Variants in HTR1A observed in about 807,000 individuals in gnomAD.
The protein encoded by HTR1A is 5-HT1a receptor.
Under a neutral mutation model 24.6 loss-of-function variants are expected in HTR1A, and 17 were observed. That is an observed-to-expected ratio of 0.69 (90% CI 0.47 to 1.04). HTR1A has a LOEUF of 1.04. HTR1A is among the 50% of genes least tolerant of loss of function. The probability of loss-of-function intolerance (pLI) is 0.00; values close to 1 mark genes in which losing one functional copy is unlikely to be tolerated. For missense variants in HTR1A, 515 were observed against 565.1 expected (o/e 0.91, Z 0.90); for synonymous variants, 262 against 244.6 (o/e 1.07, Z -0.67).
chr5:63,961,217 G>C lies in HTR1A; in HGVS notation c.503C>G (p.Ser168Cys). Reference protein sequence around the residue: ...SLTWLIGFLISIPPMLGWRTP... With the variant: ...SLTWLIGFLICIPPMLGWRTP... ...GCGCCAGCCCAGCATGGGCGGGATA[G>C]AGATGAGGAAGCCAATAAGCCAAGT... The change falls in exon 1 of 1, where the codon TCT (serine) becomes TGT (cysteine). Residue 168 changes from serine (S) to cysteine (C), a missense_variant. By Grantham distance (112) the Ser-to-Cys change is moderately radical. Around this residue, in one of 3 missense-constraint regions of HTR1A, gnomAD observed 381 missense variants for 384.5 expected, o/e 0.99. Transcript: ENST00000323865. The C allele has an allele frequency of 6.2e-7, 1 of 1,614,138 alleles. No homozygotes were observed. The highest frequency in any genetic ancestry group is 8.5e-7 in the Non-Finnish European group (1 of 1,180,034).
In HTR1A at chr5:63,959,332, A is replaced by G. The variant is rs1746374541; in HGVS notation, c.*1119T>C. Among the ~76,000 whole-genome samples the G allele has an allele frequency of 6.6e-6, 1 of 152,226 alleles. No homozygotes were observed. The highest frequency in any genetic ancestry group is 6.5e-5 in the Admixed American group (1 of 15,292). On this transcript the variant is annotated 3_prime_UTR_variant, in exon 1 of 1. Coordinates refer to ENST00000323865, the MANE Select transcript of HTR1A (RefSeq NM_000524.4). ...GGCATCTTGCGCCACTGGCTAAGGC[A>G]AAAACCTCAGGTGTCTACCCGCGCT...
In HTR1A at chr5:63,960,858, C is replaced by T. The variant is rs1260684033; in HGVS notation, c.862G>A (p.Ala288Thr). ...TGCACCTCGATCACCTCCAGGGCGG[C>T]GCCATCGTCACCTTGCCTCACCGCG... is the stretch of plus-strand genomic sequence containing the variant. ...NGAVRQGDDGAALEVIEVHRV... is the reference protein window; with the variant it reads ...NGAVRQGDDGTALEVIEVHRV... The change falls in exon 1 of 1, where the codon GCC becomes ACC. Residue 288 changes from alanine to threonine, a missense_variant. Around this residue, in one of 3 missense-constraint regions of HTR1A, gnomAD observed 381 missense variants for 384.5 expected, o/e 0.99. Transcript: ENST00000323865. 6.2e-7 allele frequency: 1 copy of T among 1,614,056 alleles called. No individual in the cohort carries two copies. Among genetic ancestry groups the T allele is most frequent in the Non-Finnish European group, 8.5e-7 (1 of 1,179,940 alleles).
Position 63,961,079 on chromosome 5 carries a change from A to C in HTR1A, c.641T>G (p.Leu214Arg). Residue 214 changes from leucine to arginine, a missense_variant, in exon 1 of 1, where the codon CTC becomes CGC. Leu to Arg is a moderately radical substitution (Grantham distance 102, BLOSUM62 -2). Coordinates refer to ENST00000323865, the MANE Select transcript of HTR1A (RefSeq NM_000524.4). ...CGCAGCTCGGAATATGCGCCCATAGAGAACCAGCATGAGCAGCAGCGGGAT... is the reference window on the plus strand; with the variant it reads ...CGCAGCTCGGAATATGCGCCCATAGCGAACCAGCATGAGCAGCAGCGGGAT... ...FYIPLLLMLVLYGRIFRAARF... is the reference protein window; with the variant it reads ...FYIPLLLMLVRYGRIFRAARF... The C allele has an allele frequency of 1.2e-6, 2 of 1,614,248 alleles. No homozygotes were observed. The highest frequency in any genetic ancestry group is 1.7e-6 in the Non-Finnish European group (2 of 1,180,048).
chr5:63,959,446 C>T lies in HTR1A; in HGVS notation c.*1005G>A, dbSNP rs1246043592. 6.6e-6 allele frequency among the ~76,000 whole-genome samples: 1 copy of T among 152,250 alleles called. No homozygotes were observed. Among genetic ancestry groups the T allele is most frequent in the East Asian group, 1.9e-4 (1 of 5,180 alleles). ...TAGCGCGCTGCGAGAGCACAGATGG[C>T]TGGGGAGGCGCGCGGATTCCAGGCC... On this transcript the variant is annotated 3_prime_UTR_variant, in exon 1 of 1. Coordinates refer to ENST00000323865, the MANE Select transcript of HTR1A (RefSeq NM_000524.4).
chr5:63,958,967 T>C lies in HTR1A; in HGVS notation c.*1484A>G, dbSNP rs1445264959. On this transcript the variant is annotated 3_prime_UTR_variant, in exon 1 of 1. Coordinates refer to ENST00000323865, the MANE Select transcript of HTR1A (RefSeq NM_000524.4). ...TAAACTATCTGCCTGTTGTCACAGA[T>C]AGTGCTAACCTATGGACTATCTGGG... 1.3e-5 allele frequency among the ~76,000 whole-genome samples: 2 copies of C among 152,168 alleles called. No homozygotes were observed. Among genetic ancestry groups the C allele is most frequent in the African/African-American group, 4.8e-5 (2 of 41,438 alleles).
At position 63,962,363 on chromosome 5, in the gene HTR1A, C is replaced by G. The variant is rs1317198082; in HGVS notation, c.-644G>C. ...TCCCCTCCTAATACTTCCCCAACCCCGAGGAGTGCCTCTTTCCTCTGGGTC... is the reference window on the plus strand; with the variant it reads ...TCCCCTCCTAATACTTCCCCAACCCGGAGGAGTGCCTCTTTCCTCTGGGTC... On this transcript the variant is annotated 5_prime_UTR_variant, in exon 1 of 1. Transcript: ENST00000323865. The G allele has an allele frequency of 6.2e-6, 1 of 160,050 alleles. No homozygotes were observed. The highest frequency in any genetic ancestry group is 1.4e-5 in the Non-Finnish European group (1 of 72,370). 9.9% of individuals were successfully genotyped at this position (160,050 alleles called of 1,614,324 possible). A position where few individuals can be genotyped will look rare whatever the true frequency, so the allele number is the denominator to read the frequency against.
Position 63,960,907 on chromosome 5 carries a change from A to G in HTR1A, c.813T>C (p.Ala271=). ...CGCCATTGGCGCACAGAGCACCCCCAGCCTTGCTCTCCACGCCCAGCCTCC... is the reference window on the plus strand; with the variant it reads ...CGCCATTGGCGCACAGAGCACCCCCGGCCTTGCTCTCCACGCCCAGCCTCC... ...RNWRLGVESK[A]GGALCANGAV... is the part of the protein sequence containing the mutation. Residue 271 remains alanine, a synonymous_variant, in exon 1 of 1, where the codon GCT becomes GCC. Transcript: ENST00000323865. 6.2e-7 allele frequency: 1 copy of G among 1,613,920 alleles called. No individual in the cohort carries two copies. The highest frequency in any genetic ancestry group is 8.5e-7 in the Non-Finnish European group (1 of 1,179,842).
Position 63,960,322 on chromosome 5 carries a change from GC to G in HTR1A, c.*128del, listed in dbSNP as rs1746398975. The stretch of plus-strand genomic sequence containing the variant: ...AGTGGGGAGGGGACCAGGTCTGCAA[GC>G]CGTGAGCGGAGCAGAGAGAAAGAGG... On this transcript the variant is annotated 3_prime_UTR_variant, in exon 1 of 1. Transcript: ENST00000323865. 1.6e-5 allele frequency: 16 copies of G among 1,021,696 alleles called. No homozygotes were observed. Among genetic ancestry groups the G allele is most frequent in the Non-Finnish European group, 2.5e-5 (16 of 652,656 alleles). The allele number at this position is 1,021,696 out of a possible 1,614,324, so 63.3% of individuals were successfully genotyped here. A position where few individuals can be genotyped will look rare whatever the true frequency, so the allele number is the denominator to read the frequency against.
Position 63,961,512 on chromosome 5 carries a change from C to G in HTR1A, c.208G>C (p.Val70Leu), listed in dbSNP as rs201160588. 1 of 1,614,122 alleles carries G rather than the reference C, an allele frequency of 6.2e-7. No homozygotes were observed. Among genetic ancestry groups the G allele is most frequent in the Non-Finnish European group, 8.5e-7 (1 of 1,180,048 alleles). Reference protein sequence around the residue: ...AIALERSLQNVANYLIGSLAV... With the variant: ...AIALERSLQNLANYLIGSLAV... ...AAAGAGCCAATAAGATAATTGGCCA[C>G]GTTCTGCAGGGAGCGCTCCAAGGCG... The change falls in exon 1 of 1, where the codon GTG (valine) becomes CTG (leucine). Residue 70 changes from valine to leucine, a missense_variant. This residue lies in a region of HTR1A where 80 missense variants were observed against 130.8 expected (regional missense o/e 0.61). Coordinates refer to ENST00000323865, the MANE Select transcript of HTR1A (RefSeq NM_000524.4).
Position 63,960,902 on chromosome 5 carries a change from C to T in HTR1A, c.818G>A (p.Gly273Asp), listed in dbSNP as rs1800042. 1.1e-3 allele frequency: 1,715 copies of T among 1,613,952 alleles called. 27 individuals carry two copies. In the East Asian group the frequency reaches 0.027, roughly 26 times the overall value. The change falls in exon 1 of 1, where the codon GGT becomes GAT. Residue 273 changes from glycine (G) to aspartate (D), a missense_variant. This residue lies in a region of HTR1A where 381 missense variants were observed against 384.5 expected (regional missense o/e 0.99). Transcript: ENST00000323865. ...CACCGCGCCATTGGCGCACAGAGCACCCCCAGCCTTGCTCTCCACGCCCAG... is the reference window on the plus strand; with the variant it reads ...CACCGCGCCATTGGCGCACAGAGCATCCCCAGCCTTGCTCTCCACGCCCAG... ...WRLGVESKAG[G>D]ALCANGAVRQ...
rs941011561 is a variant in HTR1A at position 63,959,841 on chromosome 5, G to T, written c.*610C>A. 1.3e-5 allele frequency among the ~76,000 whole-genome samples: 2 copies of T among 152,200 alleles called. No homozygotes were observed. Among genetic ancestry groups the T allele is most frequent in the Non-Finnish European group, 1.5e-5 (1 of 68,044 alleles). Reference sequence around the variant, plus strand: ...GGAATCCCGGGGGCACCGCTGGCACGGGGAAAAGCAGCCTCTTCCGCCTCT... The same window carrying T: ...GGAATCCCGGGGGCACCGCTGGCACTGGGAAAAGCAGCCTCTTCCGCCTCT... On this transcript the variant is annotated 3_prime_UTR_variant, in exon 1 of 1. Transcript: ENST00000323865.
chr5:63,961,146 C>T lies in HTR1A; in HGVS notation c.574G>A (p.Asp192Asn), dbSNP rs954828937. 2 of 1,614,242 alleles carry T rather than the reference C, an allele frequency of 1.2e-6. No individual in the cohort carries two copies. Among genetic ancestry groups the T allele is most frequent in the East Asian group, 4.5e-5 (2 of 44,878 alleles). Residue 192 changes from aspartate to asparagine, a missense_variant, in exon 1 of 1, where the codon GAT (aspartate) becomes AAT (asparagine). Physicochemically the swap from Asp to Asn is conservative, Grantham distance 23. Around this residue, in one of 3 missense-constraint regions of HTR1A, gnomAD observed 381 missense variants for 384.5 expected, o/e 0.99. Coordinates refer to ENST00000323865, the MANE Select transcript of HTR1A (RefSeq NM_000524.4). ...SDPDACTISK[D>N]HGYTIYSTFG... is the part of the protein sequence containing the mutation. ...GTGGAATAGATAGTGTAGCCATGATCCTTGCTAATGGTGCATGCGTCGGGG... is the reference window on the plus strand; with the variant it reads ...GTGGAATAGATAGTGTAGCCATGATTCTTGCTAATGGTGCATGCGTCGGGG...
rs1561278835 is a variant in HTR1A, at chr5:63,960,479, A to G, written c.1241T>C (p.Ile414Thr). ...CTGGCGGCAGAACTTACACTTAATG[A>G]TCTTCTTAAACGCGTTTTGAAAGTC... ...NKDFQNAFKK[I>T]IKCKFCRQ Residue 414 changes from isoleucine (I) to threonine (T), a missense_variant, in exon 1 of 1, where the codon ATC (isoleucine) becomes ACC (threonine). Coordinates refer to ENST00000323865, the MANE Select transcript of HTR1A (RefSeq NM_000524.4). The G allele has an allele frequency of 1.2e-6, 2 of 1,614,180 alleles. No individual in the cohort carries two copies. Among genetic ancestry groups the G allele is most frequent in the Non-Finnish European group, 8.5e-7 (1 of 1,180,032 alleles).
rs1048361136 is a variant in HTR1A at position 63,957,884 on chromosome 5, T to C, written c.*2567A>G. Reference sequence around the variant, plus strand: ...AAGCATCAGGCACTCTTTTGAGATATGCAGCTATTTTATTTCTCTAAATTC... The same window carrying C: ...AAGCATCAGGCACTCTTTTGAGATACGCAGCTATTTTATTTCTCTAAATTC... On this transcript the variant is annotated 3_prime_UTR_variant, in exon 1 of 1. Coordinates refer to ENST00000323865, the MANE Select transcript of HTR1A (RefSeq NM_000524.4). 1.3e-5 allele frequency: 2 copies of C among 152,220 alleles called. No individual in the cohort carries two copies. Among genetic ancestry groups the C allele is most frequent in the Admixed American group, 1.3e-4 (2 of 15,286 alleles). The allele number at this position is 152,220 out of a possible 1,614,324, so 9.4% of individuals were successfully genotyped here.
Position 63,962,004 on chromosome 5 carries a change from T to C in HTR1A, c.-285A>G, listed in dbSNP as rs1746451227. ...GATCTCCCGGCGGCGGAGAGGTGGC[T>C]GGAACGTCTGTCTGTCGCTGTCCAT... On this transcript the variant is annotated 5_prime_UTR_variant, in exon 1 of 1. Coordinates refer to ENST00000323865, the MANE Select transcript of HTR1A (RefSeq NM_000524.4). 1 of 520,316 alleles carries C rather than the reference T, an allele frequency of 1.9e-6. No homozygotes were observed. The highest frequency in any genetic ancestry group is 1.9e-5 in the African/African-American group (1 of 52,248). 32.2% of individuals were successfully genotyped at this position (520,316 alleles called of 1,614,324 possible). A position where few individuals can be genotyped will look rare whatever the true frequency, so the allele number is the denominator to read the frequency against.
chr5:63,961,685 G>T lies in HTR1A; in HGVS notation c.35C>A (p.Thr12Asn), dbSNP rs199681622. 6.2e-7 allele frequency: 1 copy of T among 1,613,820 alleles called. No individual in the cohort carries two copies. Among genetic ancestry groups the T allele is most frequent in the Non-Finnish European group, 8.5e-7 (1 of 1,180,048 alleles). ...CTCAAAGGGAGCCGGTGGTGATGTG[G>T]TGTTGTTGCCCTGACCAGGGCTGAG... ...DVLSPGQGNN[T>N]TSPPAPFETG... The change falls in exon 1 of 1, where the codon ACC becomes AAC. Residue 12 changes from threonine (T) to asparagine (N), a missense_variant. Transcript: ENST00000323865.
At position 63,960,777 on chromosome 5, in the gene HTR1A, G is replaced by A. The variant is rs899324898; in HGVS notation, c.943C>T (p.Pro315Ser). ...CTCTCGAAAGAGGCGGGGGCACAAG[G>A]GGTAGGACCAGCCTCGCTGGGCAGA... ...LPLPSEAGPT[P>S]CAPASFERKN... Residue 315 changes from proline (P) to serine (S), a missense_variant, in exon 1 of 1, where the codon CCT becomes TCT. By Grantham distance (74) the Pro-to-Ser change is moderately conservative (BLOSUM62 -1). This residue lies in a region of HTR1A where 381 missense variants were observed against 384.5 expected (regional missense o/e 0.99). Coordinates refer to ENST00000323865, the MANE Select transcript of HTR1A (RefSeq NM_000524.4). The A allele has an allele frequency of 1.9e-6, 3 of 1,614,100 alleles. No homozygotes were observed. The highest frequency in any genetic ancestry group is 2.7e-5 in the African/African-American group (2 of 75,074).
chr5:63,960,548 G>A lies in HTR1A; in HGVS notation c.1172C>T (p.Ser391Phe), dbSNP rs1404586951. The change falls in exon 1 of 1, where the codon TCC becomes TTC. Residue 391 changes from serine (S) to phenylalanine (F), a missense_variant. Ser to Phe is a radical substitution (Grantham distance 155, BLOSUM62 -2). Around this residue, in one of 3 missense-constraint regions of HTR1A, gnomAD observed 381 missense variants for 384.5 expected, o/e 0.99. Coordinates refer to ENST00000323865, the MANE Select transcript of HTR1A (RefSeq NM_000524.4). ...AATGACGGGGTTAAGCAGAGAGTTG[G>A]AGTAGCCCAGCCAATTGATTATGGC... Reference protein sequence around the residue: ...LGAIINWLGYSNSLLNPVIYA... With the variant: ...LGAIINWLGYFNSLLNPVIYA... 1 of 1,614,080 alleles carries A rather than the reference G, an allele frequency of 6.2e-7. No homozygotes were observed. The highest frequency in any genetic ancestry group is 1.3e-5 in the African/African-American group (1 of 74,936).
Position 63,960,255 on chromosome 5 carries a change from G to T in HTR1A, c.*196C>A. The T allele has an allele frequency of 3.1e-6, 2 of 654,100 alleles. No homozygotes were observed. Among genetic ancestry groups the T allele is most frequent in the Non-Finnish European group, 5.4e-6 (2 of 368,808 alleles). 40.5% of individuals were successfully genotyped at this position (654,100 alleles called of 1,614,324 possible). ...TTTCCTGGGCTCTCAACGCTCCTCC[G>T]CTGGGTCTCCTTTGCACAAAGGGCC... On this transcript the variant is annotated 3_prime_UTR_variant, in exon 1 of 1. Coordinates refer to ENST00000323865, the MANE Select transcript of HTR1A (RefSeq NM_000524.4).
Sources: allele counts gnomAD v4.1 joint callset (sites outside exome capture counted in the v4.1 genomes callset), GRCh38; gene constraint gnomAD v4.1.1; regional missense constraint gnomAD v4.1.1; transcripts MANE v1.5; gene names NCBI Gene and HGNC (gene_info 2026-07-23, HGNC 2026-07-21).